The following KMT2E variants were observed in gnomAD, a reference collection of about 807,000 sequenced individuals.
KMT2E encodes the protein histone reader KMT2E.
In KMT2E, 30 loss-of-function variants were observed where a neutral mutation model predicts 184.6. The ratio of observed to expected loss-of-function variants is 0.16; its 90% CI spans 0.12 to 0.22. The LOEUF is 0.22. Ranked by LOEUF, KMT2E falls within the 10% of genes least tolerant of loss-of-function variation. The probability of loss-of-function intolerance (pLI) is 1.00; values close to 1 mark genes in which losing one functional copy is unlikely to be tolerated. For synonymous variants in KMT2E, 815 were observed against 776.5 expected, an observed-to-expected ratio of 1.05 and a Z score of -0.82; for missense variants, 2,023 against 2,237.4, an observed-to-expected ratio of 0.90 and a Z score of 1.93.
In KMT2E at chr7:105,107,256, G is replaced by A; in HGVS notation, c.2904+34G>A. ...TTAACTTAAAAAGGGTGAATTGGTA[G>A]TTTTTTTCCTATTACATTGTTTTCC... is the stretch of plus-strand genomic sequence containing the variant. On this transcript the variant is annotated intron_variant, in intron 21 of 26. Coordinates refer to ENST00000311117, the MANE Select transcript of KMT2E (RefSeq NM_182931.3). 1 of 1,511,954 alleles carries A rather than the reference G, an allele frequency of 6.6e-7. No homozygotes were observed. The highest frequency in any genetic ancestry group is 9.0e-7 in the Non-Finnish European group (1 of 1,112,428). 93.7% of individuals were successfully genotyped at this position (1,511,954 alleles called of 1,614,324 possible).
At chr7:105,040,761 AAG>A (rs573121559) in intron 2 of KMT2E, 76 bp from the exon 3 acceptor site, 269 of 384,580 alleles carry the variant, frequency 7.0e-4, no homozygotes, top group African/African-American at 5.2e-3. Flanking sequence ...GATTTTAATA[AAG>A]AATGTTTTCT....
rs1797320328 is a variant in KMT2E, at chr7:105,071,611, T to TA, written c.498-2008_498-2007insA. On this transcript the variant is annotated intron_variant, in intron 6 of 26. Transcript: ENST00000311117. ...ATATATATATATATATATATATATT[T>TA]TTTTTTTTTTTTTTTTTTTTTTTTT... Among the ~76,000 whole-genome samples, 5 of 77,472 alleles carry TA rather than the reference T, an allele frequency of 6.5e-5. No individual in the cohort carries two copies. In the East Asian group the frequency reaches 2.5e-3, roughly 39 times the overall value. The allele number at this position is 77,472 out of a possible 152,430, so 50.8% of individuals were successfully genotyped here.
chr7:105,104,258 T>TA (rs1334341947), intron 17 of KMT2E: 3 of 152,174 alleles, frequency 2.0e-5, no homozygotes, highest in East Asian at 1.9e-4. Context: ...ATATAGCCAA[T>TA]AGAGACTGTA....
chr7:105,106,377 A>AT (rs1278685293), intron 19 of KMT2E, 145 bp from the exon 20 acceptor site: 33 of 792,420 alleles, frequency 4.2e-5, no homozygotes, highest in East Asian at 1.9e-4. Flanking sequence ...TGTTAGTACC[A>AT]TTTTTTTAAA....
At chr7:105,066,580 C>A in intron 5 of KMT2E, 147 bp from the exon 6 acceptor site, 1 of 558,898 alleles carries the variant, frequency 1.8e-6, no homozygotes, top group Non-Finnish European at 3.1e-6. Context: ...GCCTTGAAGA[C>A]ACGTTTCTAT....
At chr7:105,016,547 G>A (rs1794724010) in intron 1 of KMT2E, among the ~76,000 whole-genome samples, 1 of 152,130 alleles carries the variant, frequency 6.6e-6, no homozygotes, top group African/African-American at 2.4e-5. Context: ...TACAGACTGA[G>A]ACTGAAAATT....
At chr7:105,060,255 A>G (rs1311099980) in intron 3 of KMT2E, among the ~76,000 whole-genome samples, 1 of 151,748 alleles carries the variant, frequency 6.6e-6, no homozygotes, top group Admixed American at 6.6e-5. Context: ...TGCCTCCCAA[A>G]GTGCTGGGAT....
chr7:105,081,543 A>G (rs1033470287), intron 12 of KMT2E, 145 bp from the exon 13 acceptor site: 1 of 578,526 alleles, frequency 1.7e-6, no homozygotes, highest in African/African-American at 1.9e-5. Flanking sequence ...CCACCAATAG[A>G]TAGTTATAAG....
chr7:105,102,139 A>C lies in KMT2E; in HGVS notation c.2141A>C (p.Glu714Ala). Reference protein sequence around the residue: ...TETALAEIITETEVPALNKCP... With the variant: ...TETALAEIITATEVPALNKCP... Reference sequence around the variant, plus strand: ...ACTGCACTAGCAGAAATAATTACTGAAACTGAAGTTCCAGCACTTAATAAA... The same window carrying C: ...ACTGCACTAGCAGAAATAATTACTGCAACTGAAGTTCCAGCACTTAATAAA... Residue 714 changes from glutamate (E) to alanine (A), a missense_variant, in exon 17 of 27, where the codon GAA (glutamate) becomes GCA (alanine). This residue lies in a region of KMT2E where 514 missense variants were observed against 621.8 expected (regional missense o/e 0.83). Coordinates refer to ENST00000311117, the MANE Select transcript of KMT2E (RefSeq NM_182931.3). 1 of 1,612,376 alleles carries C rather than the reference A, an allele frequency of 6.2e-7. No homozygotes were observed. Among genetic ancestry groups the C allele is most frequent in the Non-Finnish European group, 8.5e-7 (1 of 1,178,844 alleles).
At chr7:105,059,978 G>GT (rs67291226) in intron 3 of KMT2E, among the ~76,000 whole-genome samples, 1,533 of 51,696 alleles carry the variant, frequency 0.03, 362 homozygotes, top group Non-Finnish European at 0.046. Context: ...TCTTGTTGTT[G>GT]TTTTTTTTTT....
At chr7:105,106,801 T>A in intron 20 of KMT2E, 29 bp downstream of exon 20, 1 of 1,601,884 alleles carries the variant, frequency 6.2e-7, no homozygotes, top group Non-Finnish European at 8.5e-7. Flanking sequence ...GAAAAAAAAA[T>A]TCAACACTTG....
chr7:105,043,266 TTG>T (rs1302932646), intron 3 of KMT2E, among the ~76,000 whole-genome samples: 6 of 150,122 alleles, frequency 4.0e-5, no homozygotes, highest in African/African-American at 1.5e-4. Context: ...AGACGGAGTC[TTG>T]CTCTGTCGCC....
In KMT2E at chr7:105,078,829, T is replaced by C. The variant is rs1187888261; in HGVS notation, c.1131-17T>C. ...GGCCTAAAATGTTAATAGCTTATAA[T>C]GTTTCTTTCTTTGTAGACCATACCC... is the stretch of plus-strand genomic sequence containing the variant. On this transcript the variant is annotated splice_polypyrimidine_tract_variant and intron_variant, in intron 11 of 26. Coordinates refer to ENST00000311117, the MANE Select transcript of KMT2E (RefSeq NM_182931.3). 7.2e-7 allele frequency: 1 copy of C among 1,383,936 alleles called. No individual in the cohort carries two copies. The highest frequency in any genetic ancestry group is 1.0e-6 in the Non-Finnish European group (1 of 971,834). 85.7% of individuals were successfully genotyped at this position (1,383,936 alleles called of 1,614,324 possible).
intron 3 of KMT2E, among the ~76,000 whole-genome samples, chr7:105,059,076 T>G (rs564791229): frequency 6.6e-6 from 1 of 152,348 alleles, no homozygotes; most frequent in African/African-American, 2.4e-5. Context: ...TATGTTTTGA[T>G]ACATAATTAT....
At chr7:105,051,539 G>T (rs146426779) in intron 3 of KMT2E, among the ~76,000 whole-genome samples, 1 of 152,158 alleles carries the variant, frequency 6.6e-6, no homozygotes, top group Non-Finnish European at 1.5e-5. Flanking sequence ...ACTCTAAGCT[G>T]TCAGTCTTGA....
chr7:105,068,797 G>A (rs1584754282), intron 6 of KMT2E, among the ~76,000 whole-genome samples: 2 of 151,996 alleles, frequency 1.3e-5, no homozygotes. Flanking sequence ...TAACTATTCG[G>A]TTCTCTTAAG....
chr7:105,097,793 G>C (rs1367882447), intron 15 of KMT2E, among the ~76,000 whole-genome samples: 1 of 152,162 alleles, frequency 6.6e-6, no homozygotes, highest in Non-Finnish European at 1.5e-5. Context: ...CTTCCAGTTA[G>C]TTACATGTCT....
chr7:105,033,113 C>T (rs1795494324), intron 1 of KMT2E, among the ~76,000 whole-genome samples: 3 of 152,144 alleles, frequency 2.0e-5, no homozygotes, highest in African/African-American at 7.2e-5. Context: ...GTGGCATTCT[C>T]CCATTATATT....
intron 15 of KMT2E, among the ~76,000 whole-genome samples, chr7:105,097,480 G>T (rs1472093878): frequency 6.6e-6 from 1 of 152,046 alleles, no homozygotes; most frequent in East Asian, 1.9e-4. Context: ...CTGCCTCCCG[G>T]GTTCAAGTGA....
Sources: gnomAD v4.1 joint callset for allele counts (sites outside exome capture counted in the v4.1 genomes callset) on GRCh38, gnomAD v4.1.1 for gene constraint, gnomAD v4.1.1 regional missense constraint, MANE v1.5 for transcripts, NCBI Gene and HGNC (gene_info 2026-07-23, HGNC 2026-07-21) for gene names.